Variants in CEP112 observed in about 807,000 individuals in gnomAD.
The protein encoded by CEP112 is centrosomal protein of 112 kDa.
CEP112 carries 127 observed loss-of-function variants against 153.0 expected under a neutral mutation model. That is an observed-to-expected ratio of 0.83 (90% confidence interval 0.72 to 0.96). The LOEUF (loss-of-function observed/expected upper bound fraction) is 0.96. CEP112 is among the 40% of genes least tolerant of loss of function. The pLI is 0.00. For missense variants in CEP112, 1,089 were observed against 1,101.2 expected (o/e 0.99, Z 0.16); for synonymous variants, 358 against 374.4 (o/e 0.96, Z 0.51).
At chr17:65,789,960 G>C (rs1281783032) in intron 21 of CEP112, among the ~76,000 whole-genome samples, 1 of 152,138 alleles carries the variant, frequency 6.6e-6, no homozygotes, top group Admixed American at 6.5e-5. Context: ...ACTGTTGCCT[G>C]ACAGGCTCAG....
chr17:66,081,701 G>A lies in CEP112; in HGVS notation c.769-11700C>T, dbSNP rs984081532. On this transcript the variant is annotated intron_variant, in intron 8 of 26. Coordinates refer to ENST00000535342, the MANE Select transcript of CEP112 (RefSeq NM_001199165.4). ...GGAGGCCGAGGCAGGTGGATCACAA[G>A]GTCAGGAGTTCAAGACCAGCCTGGC... Among the ~76,000 whole-genome samples the A allele has an allele frequency of 3.3e-5, 5 of 151,534 alleles. No homozygotes were observed. In the East Asian group the frequency reaches 7.8e-4, roughly 24 times the overall value.
chr17:66,183,438 C>T (rs2072799545), intron 1 of CEP112, 131 bp from the exon 2 acceptor site: 1 of 530,338 alleles, frequency 1.9e-6, no homozygotes, highest in South Asian at 3.2e-5. Context: ...AGATTTAATG[C>T]AACTCCCATC....
chr17:65,808,637 T>C (rs541678044), intron 21 of CEP112, among the ~76,000 whole-genome samples: 122 of 152,224 alleles, frequency 8.0e-4, no homozygotes, highest in Middle Eastern at 3.4e-3. Flanking sequence ...TAAAAATGTA[T>C]AGCACTTCCC....
At position 66,084,526 on chromosome 17, in the gene CEP112, G is replaced by A. The variant is rs911607924; in HGVS notation, c.768+11725C>T. 2.6e-5 allele frequency among the ~76,000 whole-genome samples: 4 copies of A among 152,144 alleles called. No individual in the cohort carries two copies. In the East Asian group the frequency reaches 7.7e-4, roughly 29 times the overall value. On this transcript the variant is annotated intron_variant, in intron 8 of 26. Transcript: ENST00000535342. ...CATTTCCAACAACATGGATGGAACTGGAGGTTACTATGTTCAGTGAAATAA... is the reference window on the plus strand; with the variant it reads ...CATTTCCAACAACATGGATGGAACTAGAGGTTACTATGTTCAGTGAAATAA...
At chr17:66,168,327 C>T (rs1384382022) in intron 4 of CEP112, among the ~76,000 whole-genome samples, 2 of 151,858 alleles carry the variant, frequency 1.3e-5, no homozygotes, top group African/African-American at 2.4e-5. Flanking sequence ...GCTTCCTATA[C>T]TTTATGTACT....
intron 17 of CEP112, among the ~76,000 whole-genome samples, chr17:65,988,765 T>G (rs2063490404): frequency 6.6e-6 from 1 of 152,194 alleles, no homozygotes; most frequent in South Asian, 2.1e-4. Flanking sequence ...AAAGATCTCC[T>G]ACAAGATACA....
chr17:65,771,076 C>T (rs7212898), intron 21 of CEP112, among the ~76,000 whole-genome samples: 7 of 151,938 alleles, frequency 4.6e-5, no homozygotes, highest in South Asian at 2.1e-4. Flanking sequence ...TCCAACTAAT[C>T]GGCAAAGCTT....
At chr17:65,744,436 C>T (rs974976125) in intron 22 of CEP112, among the ~76,000 whole-genome samples, 1 of 151,860 alleles carries the variant, frequency 6.6e-6, no homozygotes, top group Non-Finnish European at 1.5e-5. Context: ...TTAGTAGAGA[C>T]GAGTTTCACC....
intron 4 of CEP112, among the ~76,000 whole-genome samples, chr17:66,171,164 C>T (rs1301493041): frequency 1.1e-4 from 16 of 152,060 alleles, no homozygotes; most frequent in Non-Finnish European, 2.1e-4. Flanking sequence ...AACAAAAAGG[C>T]TTCAAAAGGA....
intron 18 of CEP112, 86 bp from the exon 19 acceptor site, chr17:65,927,775 C>CA: frequency 1.4e-6 from 1 of 733,066 alleles, no homozygotes; most frequent in Non-Finnish European, 2.1e-6. Context: ...GTTTAAATGA[C>CA]AGATTTTAAG....
intron 11 of CEP112, among the ~76,000 whole-genome samples, chr17:66,054,358 T>C (rs7216785): frequency 0.98 from 149,385 of 152,292 alleles, 73,330 homozygotes; most frequent in East Asian, 1. Flanking sequence ...TTACTTCTAG[T>C]CATTCCCTAA....
intron 24 of CEP112, among the ~76,000 whole-genome samples, chr17:65,683,485 C>T (rs2144274705): frequency 6.6e-6 from 1 of 152,288 alleles, no homozygotes; most frequent in East Asian, 1.9e-4. Context: ...AGGTAGAAGC[C>T]AGGAGCCTTC....
At chr17:65,842,113 C>T (rs2057542576) in intron 21 of CEP112, among the ~76,000 whole-genome samples, 1 of 151,862 alleles carries the variant, frequency 6.6e-6, no homozygotes, top group Non-Finnish European at 1.5e-5. Flanking sequence ...CATCACAGGG[C>T]ATCCAAAAAG....
At chr17:66,044,427 C>T (rs568599447) in intron 12 of CEP112, among the ~76,000 whole-genome samples, 45 of 152,198 alleles carry the variant, frequency 3.0e-4, no homozygotes, top group African/African-American at 1.0e-3. Flanking sequence ...CCCACGTACA[C>T]GGCAGCATTA....
Position 66,034,652 on chromosome 17 carries a change from TGAGA to T in CEP112, c.1219-4633_1219-4630del, listed in dbSNP as rs1237146338. 5.9e-5 allele frequency among the ~76,000 whole-genome samples: 9 copies of T among 151,862 alleles called. No homozygotes were observed. In the East Asian group the frequency reaches 1.2e-3, roughly 20 times the overall value. On this transcript the variant is annotated intron_variant, in intron 12 of 26. Transcript: ENST00000535342. ...AGATAAAAGCATAAAACTATTTTTA[TGAGA>T]GAAAGAAAAAAAGAGATAAAACAGA...
Position 65,635,546 on chromosome 17 carries a change from C to A in CEP112, c.*425G>T, listed in dbSNP as rs963277839. The A allele has an allele frequency of 3.8e-4, 67 of 175,770 alleles. No individual in the cohort carries two copies. The highest frequency in any genetic ancestry group is 1.4e-3 in the Admixed American group (23 of 16,032). The allele number at this position is 175,770 out of a possible 1,614,324, so 10.9% of individuals were successfully genotyped here. A position where few individuals can be genotyped will look rare whatever the true frequency, so the allele number is the denominator to read the frequency against. On this transcript the variant is annotated 3_prime_UTR_variant, in exon 27 of 27. Transcript: ENST00000535342. ...AAAGTAGAAATAAAACTGGTAAGTACAAAATAATATTTTAATAACATAGGA... is the reference window on the plus strand; with the variant it reads ...AAAGTAGAAATAAAACTGGTAAGTAAAAAATAATATTTTAATAACATAGGA...
intron 21 of CEP112, among the ~76,000 whole-genome samples, chr17:65,851,415 G>A (rs1197030881): frequency 1.3e-5 from 2 of 152,118 alleles, no homozygotes; most frequent in Non-Finnish European, 2.9e-5. Context: ...GTAAAATCTA[G>A]AAATGCTTAT....
At chr17:66,092,871 A>T (rs1427348685) in intron 8 of CEP112, among the ~76,000 whole-genome samples, 1 of 152,254 alleles carries the variant, frequency 6.6e-6, no homozygotes, top group Non-Finnish European at 1.5e-5. Flanking sequence ...GTACCTCAAT[A>T]CAATAAAGGC....
chr17:66,035,126 C>T (rs1273428179), intron 12 of CEP112, among the ~76,000 whole-genome samples: 1 of 150,724 alleles, frequency 6.6e-6, no homozygotes, highest in Non-Finnish European at 1.5e-5. Context: ...AAGCGTGTGC[C>T]ACCACGCCCA....
Sources: allele counts gnomAD v4.1 joint callset (sites outside exome capture counted in the v4.1 genomes callset), GRCh38; gene constraint gnomAD v4.1.1; transcripts MANE v1.5; gene names NCBI Gene and HGNC (gene_info 2026-07-23, HGNC 2026-07-21).